The following PGM5 variants were observed in gnomAD, a reference collection of about 807,000 sequenced individuals.
PGM5 encodes the protein phosphoglucomutase 5.
PGM5 carries 23 observed loss-of-function variants against 59.2 expected under a neutral mutation model. That is an observed-to-expected ratio of 0.39 (90% CI 0.28 to 0.55). PGM5 has a LOEUF of 0.55. Among genes scored for constraint, PGM5 ranks in the 20% least tolerant of loss-of-function variants. PGM5 has a pLI of 0.66. For synonymous variants in PGM5, 214 were observed against 286.0 expected (o/e 0.75, Z 2.54); for missense variants, 574 against 748.3 (o/e 0.77, Z 2.72).
intron 6 of PGM5, among the ~76,000 whole-genome samples, chr9:68,454,605 C>T (rs1326927886): frequency 6.6e-6 from 1 of 152,126 alleles, no homozygotes; most frequent in Admixed American, 6.5e-5. Context: ...GCATTTAGTC[C>T]CCACTGAGTA....
At chr9:68,496,360 T>C (rs1554688149) in intron 9 of PGM5, among the ~76,000 whole-genome samples, 1 of 152,200 alleles carries the variant, frequency 6.6e-6, no homozygotes, top group African/African-American at 2.4e-5. Context: ...TCAGCAGACA[T>C]GGTGCTGGGA....
intron 10 of PGM5, among the ~76,000 whole-genome samples, chr9:68,511,401 G>A (rs920561099): frequency 4.6e-5 from 7 of 151,992 alleles, no homozygotes; most frequent in South Asian, 2.1e-4. Flanking sequence ...ACTAGTTTTC[G>A]GGATCCTTTT....
At chr9:68,431,952 A>T (rs1823358112) in intron 6 of PGM5, among the ~76,000 whole-genome samples, 1 of 151,808 alleles carries the variant, frequency 6.6e-6, no homozygotes, top group Non-Finnish European at 1.5e-5. Flanking sequence ...CCTCCAATCT[A>T]CTCCTGGAAT....
intron 1 of PGM5, among the ~76,000 whole-genome samples, chr9:68,366,471 A>G (rs1167664919): frequency 2.0e-5 from 3 of 152,122 alleles, no homozygotes; most frequent in Non-Finnish European, 4.4e-5. Flanking sequence ...TTCTGTATAT[A>G]ATGTAGGCAT....
chr9:68,529,585 A>G lies in PGM5; in HGVS notation c.1633A>G (p.Ile545Val). 6.3e-7 allele frequency: 1 copy of G among 1,597,440 alleles called. No homozygotes were observed. The highest frequency in any genetic ancestry group is 8.6e-7 in the Non-Finnish European group (1 of 1,169,176). Reference protein sequence around the residue: ...QEPQAVLSPLIAIALKISQIH... With the variant: ...QEPQAVLSPLVAIALKISQIH... Reference sequence around the variant, plus strand: ...TTTGCAGGCAGTGCTGAGCCCTCTCATAGCCATCGCACTGAAAATATCCCA... The same window carrying G: ...TTTGCAGGCAGTGCTGAGCCCTCTCGTAGCCATCGCACTGAAAATATCCCA... Residue 545 changes from isoleucine to valine, a missense_variant, in exon 11 of 11, where the codon ATA becomes GTA. Coordinates refer to ENST00000396396, the MANE Select transcript of PGM5 (RefSeq NM_021965.4).
At chr9:68,476,199 G>T (rs1207594094) in intron 7 of PGM5, among the ~76,000 whole-genome samples, 1 of 152,160 alleles carries the variant, frequency 6.6e-6, no homozygotes, top group East Asian at 1.9e-4. Flanking sequence ...TTGCTAACCT[G>T]ACAGGCCCCA....
chr9:68,438,739 A>G (rs543877923), intron 6 of PGM5, among the ~76,000 whole-genome samples: 10 of 152,284 alleles, frequency 6.6e-5, no homozygotes, highest in African/African-American at 2.2e-4. Flanking sequence ...TGAACCCAAC[A>G]TAGCCTGCAA....
chr9:68,434,475 G>A (rs1346328604), intron 6 of PGM5, among the ~76,000 whole-genome samples: 1 of 152,034 alleles, frequency 6.6e-6, no homozygotes, highest in African/African-American at 2.4e-5. Context: ...AAATTATTTT[G>A]TTTGCTAGTT....
chr9:68,451,127 A>G (rs1587814324), intron 6 of PGM5, among the ~76,000 whole-genome samples: 1 of 152,278 alleles, frequency 6.6e-6, no homozygotes, highest in East Asian at 1.9e-4. Context: ...ACATACACAC[A>G]TGCATTTTAT....
chr9:68,372,247 C>T (rs1554677217), intron 1 of PGM5, among the ~76,000 whole-genome samples: 2 of 147,094 alleles, frequency 1.4e-5, no homozygotes, highest in African/African-American at 5.1e-5. Flanking sequence ...GGCATGGCCA[C>T]ACTCTGTAGA....
chr9:68,451,303 T>A (rs1554684315), intron 6 of PGM5, among the ~76,000 whole-genome samples: 1 of 152,244 alleles, frequency 6.6e-6, no homozygotes, highest in Non-Finnish European at 1.5e-5. Context: ...CACTTTATTC[T>A]TAAATTTAAT....
chr9:68,504,510 G>A (rs974484865), intron 10 of PGM5, among the ~76,000 whole-genome samples: 4 of 152,180 alleles, frequency 2.6e-5, no homozygotes, highest in South Asian at 2.1e-4. Flanking sequence ...TGAACATGAC[G>A]AGAATGCTCT....
intron 9 of PGM5, among the ~76,000 whole-genome samples, chr9:68,496,035 C>T (rs1191319909): frequency 6.6e-6 from 1 of 152,146 alleles, no homozygotes; most frequent in Non-Finnish European, 1.5e-5. Flanking sequence ...ACGACTGTGC[C>T]CCAGTACAAC....
chr9:68,458,463 G>A (rs1350806280), intron 6 of PGM5, among the ~76,000 whole-genome samples: 1 of 152,160 alleles, frequency 6.6e-6, no homozygotes, highest in Non-Finnish European at 1.5e-5. Context: ...GTTATCTTTT[G>A]CTTTTTCTTT....
rs149148537 is a variant in PGM5 at position 68,392,408 on chromosome 9, A to C, written c.978A>C (p.Pro326=). The C allele has an allele frequency of 6.2e-7, 1 of 1,611,428 alleles. No individual in the cohort carries two copies. Among genetic ancestry groups the C allele is most frequent in the Non-Finnish European group, 8.5e-7 (1 of 1,179,504 alleles). Reference sequence around the variant, plus strand: ...TTGCTGCCAACCTCTCTTGCATTCCATATTTCCGTCAGATGGGGGTCCGCG... The same window carrying C: ...TTGCTGCCAACCTCTCTTGCATTCCCTATTTCCGTCAGATGGGGGTCCGCG... ...AIIAANLSCI[P]YFRQMGVRGF... is the part of the protein sequence containing the mutation. Residue 326 remains proline, a synonymous_variant, in exon 6 of 11, where the codon CCA becomes CCC. Coordinates refer to ENST00000396396, the MANE Select transcript of PGM5 (RefSeq NM_021965.4).
At chr9:68,523,421 A>C (rs1217906241) in intron 10 of PGM5, among the ~76,000 whole-genome samples, 2 of 152,168 alleles carry the variant, frequency 1.3e-5, no homozygotes, top group African/African-American at 4.8e-5. Context: ...TAACAGACCC[A>C]CCAGGGGATA....
At chr9:68,458,365 C>A (rs572571773) in intron 6 of PGM5, among the ~76,000 whole-genome samples, 1 of 152,168 alleles carries the variant, frequency 6.6e-6, no homozygotes, top group Non-Finnish European at 1.5e-5. Flanking sequence ...CTAGGTAAAG[C>A]GGCAAAGGCC....
intron 2 of PGM5, among the ~76,000 whole-genome samples, chr9:68,380,826 G>A (rs1822054355): frequency 6.6e-6 from 1 of 151,846 alleles, no homozygotes; most frequent in Non-Finnish European, 1.5e-5. Flanking sequence ...ACAAATTGGA[G>A]GACCTAGAAG....
chr9:68,418,653 T>C (rs1823076807), intron 6 of PGM5, among the ~76,000 whole-genome samples: 1 of 152,090 alleles, frequency 6.6e-6, no homozygotes, highest in South Asian at 2.1e-4. Context: ...ACGACTTGAC[T>C]GGCTGCGCTG....
Sources: allele counts gnomAD v4.1 joint callset (sites outside exome capture counted in the v4.1 genomes callset), GRCh38; gene constraint gnomAD v4.1.1; transcripts MANE v1.5; gene names NCBI Gene and HGNC (gene_info 2026-07-23, HGNC 2026-07-21).